Variants in SLC26A4 observed in about 807,000 individuals in gnomAD.
The protein encoded by SLC26A4 is pendrin.
In SLC26A4, 93 loss-of-function variants were observed where a neutral mutation model predicts 90.4. That is an observed-to-expected ratio of 1.03 (90% confidence interval 0.87 to 1.22). SLC26A4 has a LOEUF of 1.22. Among genes scored for constraint, SLC26A4 ranks in the 50% most tolerant of loss-of-function variants. The pLI is 0.00. For missense variants in SLC26A4, 1,127 were observed against 946.2 expected (o/e 1.19, Z -2.51); for synonymous variants, 393 against 354.6 (o/e 1.11, Z -1.22).
chr7:107,697,789 T>A (rs1416783895), intron 13 of SLC26A4, among the ~76,000 whole-genome samples: 1 of 152,214 alleles, frequency 6.6e-6, no homozygotes, highest in Non-Finnish European at 1.5e-5. Context: ...TATAACGTGT[T>A]GTGCACGTGC....
chr7:107,672,268 A>C lies in SLC26A4; in HGVS notation c.415+20A>C. 1 of 1,459,856 alleles carries C rather than the reference A, an allele frequency of 6.8e-7. No homozygotes were observed. Among genetic ancestry groups the C allele is most frequent in the Non-Finnish European group, 9.6e-7 (1 of 1,040,614 alleles). The allele number at this position is 1,459,856 out of a possible 1,614,324, so 90.4% of individuals were successfully genotyped here. ...CAGTTGGTAATTATAAGTATATTTT[A>C]CAATTATATTTGCTCATGTTTAAAG... On this transcript the variant is annotated intron_variant, in intron 4 of 20. Transcript: ENST00000644269.
intron 19 of SLC26A4, 29 bp downstream of exon 19, chr7:107,710,228 T>A (rs1292025530): frequency 1.3e-5 from 20 of 1,484,568 alleles, no homozygotes; most frequent in Non-Finnish European, 1.9e-5. Flanking sequence ...TACAGATGTA[T>A]CTTTTCTAAA....
chr7:107,662,105 C>T, intron 2 of SLC26A4: 1 of 489,914 alleles, frequency 2.0e-6, no homozygotes. Context: ...TGGAGTGCCT[C>T]TTGGGGTACA....
At chr7:107,662,438 A>G (rs1285965685) in intron 2 of SLC26A4, among the ~76,000 whole-genome samples, 2 of 152,214 alleles carry the variant, frequency 1.3e-5, no homozygotes, top group African/African-American at 2.4e-5. Context: ...TAGACGTAGT[A>G]GTATAATGAA....
At chr7:107,682,879 T>C (rs575403176) in intron 6 of SLC26A4, among the ~76,000 whole-genome samples, 3 of 152,324 alleles carry the variant, frequency 2.0e-5, no homozygotes, top group African/African-American at 7.2e-5. Flanking sequence ...TTTTTTCTTT[T>C]AAGACATCTT....
intron 6 of SLC26A4, among the ~76,000 whole-genome samples, chr7:107,681,073 T>C (rs1791216990): frequency 6.6e-6 from 1 of 152,166 alleles, no homozygotes; most frequent in Non-Finnish European, 1.5e-5. Context: ...GTGGTAGTTA[T>C]CCCATTTTCT....
Position 107,716,458 on chromosome 7 carries a change from T to C in SLC26A4, c.*1012T>C, listed in dbSNP as rs1792348795. The C allele has an allele frequency of 6.6e-6, 1 of 152,210 alleles. No homozygotes were observed. Among genetic ancestry groups the C allele is most frequent in the Admixed American group, 6.5e-5 (1 of 15,274 alleles). The allele number at this position is 152,210 out of a possible 1,614,324, so 9.4% of individuals were successfully genotyped here. A position where few individuals can be genotyped will look rare whatever the true frequency, so the allele number is the denominator to read the frequency against. On this transcript the variant is annotated 3_prime_UTR_variant, in exon 21 of 21. Coordinates refer to ENST00000644269, the MANE Select transcript of SLC26A4 (RefSeq NM_000441.2). ...AAAAATCTAAAAATTGAACTACCTATAGTAGTCTGTGTTTAAAGTGAATTT... is the reference window on the plus strand; with the variant it reads ...AAAAATCTAAAAATTGAACTACCTACAGTAGTCTGTGTTTAAAGTGAATTT...
intron 20 of SLC26A4, among the ~76,000 whole-genome samples, chr7:107,713,461 C>A (rs1188142560): frequency 1.3e-5 from 2 of 152,184 alleles, no homozygotes; most frequent in Non-Finnish European, 2.9e-5. Context: ...CAACACAGAC[C>A]TTCCCACTGA....
intron 4 of SLC26A4, among the ~76,000 whole-genome samples, chr7:107,672,943 A>T (rs1490022171): frequency 1.3e-5 from 2 of 152,234 alleles, no homozygotes; most frequent in Non-Finnish European, 2.9e-5. Flanking sequence ...TGCTGGCTAG[A>T]CATGTCTACC....
intron 20 of SLC26A4, 76 bp downstream of exon 20, chr7:107,712,698 T>A (rs935712634): frequency 1.2e-6 from 1 of 828,310 alleles, no homozygotes; most frequent in Admixed American, 1.7e-5. Flanking sequence ...AGTGAATATA[T>A]CTGATTAAGA....
chr7:107,699,466 G>A (rs982915), intron 14 of SLC26A4, among the ~76,000 whole-genome samples: 109,597 of 152,046 alleles, frequency 0.72, 39,898 homozygotes, highest in East Asian at 0.99. Flanking sequence ...AATCAGGAGG[G>A]TCAGTGGTAT....
intron 9 of SLC26A4, 102 bp downstream of exon 9, chr7:107,689,302 T>C: frequency 8.1e-7 from 1 of 1,237,222 alleles, no homozygotes; most frequent in Non-Finnish European, 1.2e-6. Context: ...GGTTGGATTC[T>C]TTCACCAGAC....
chr7:107,710,241 A>C (rs1434884069), intron 19 of SLC26A4, 42 bp downstream of exon 19: 1 of 1,396,690 alleles, frequency 7.2e-7, no homozygotes, highest in Admixed American at 1.7e-5. Flanking sequence ...TTTCTAAACT[A>C]TCATGATTTC....
Position 107,704,400 on chromosome 7 carries a change from C to T in SLC26A4, c.2089+15C>T, listed in dbSNP as rs1253818235. ...ATCACTTCAAGGTAAATACATATAT[C>T]TACATATCTACCTGTAAGACTTTCC... On this transcript the variant is annotated intron_variant, in intron 18 of 20. Transcript: ENST00000644269. 4.6e-6 allele frequency: 5 copies of T among 1,091,928 alleles called. No individual in the cohort carries two copies. In the Admixed American group the frequency reaches 8.6e-5, roughly 19 times the overall value. 67.6% of individuals were successfully genotyped at this position (1,091,928 alleles called of 1,614,324 possible). A position where few individuals can be genotyped will look rare whatever the true frequency, so the allele number is the denominator to read the frequency against.
In SLC26A4 at chr7:107,710,180, A is replaced by G. The variant is rs752350798; in HGVS notation, c.2216A>G (p.Gln739Arg). The change falls in exon 19 of 21, where the codon CAA (glutamine) becomes CGA (arginine). Residue 739 changes from glutamine (Q) to arginine (R), a missense_variant. By Grantham distance (43) the Gln-to-Arg change is conservative. Transcript: ENST00000644269. ...LQNQVKSQEGQGSILETITLI... is the reference protein window; with the variant it reads ...LQNQVKSQEGRGSILETITLI... ...AACCAAGTGAAATCTCAAGAGGGTC[A>G]AGGTTCCATTTTAGAAACGGTAAAT... The G allele has an allele frequency of 1.2e-6, 2 of 1,605,630 alleles. No individual in the cohort carries two copies. Among genetic ancestry groups the G allele is most frequent in the South Asian group, 1.1e-5 (1 of 90,892 alleles).
chr7:107,695,326 G>A (rs578054264), intron 12 of SLC26A4, among the ~76,000 whole-genome samples: 9 of 152,260 alleles, frequency 5.9e-5, no homozygotes, highest in African/African-American at 2.2e-4. Flanking sequence ...TTGGGAATGG[G>A]TGGAGAAGGG....
At chr7:107,678,207 C>T (rs1791077774) in intron 6 of SLC26A4, among the ~76,000 whole-genome samples, 1 of 152,136 alleles carries the variant, frequency 6.6e-6, no homozygotes, top group South Asian at 2.1e-4. Context: ...CTCATTTATT[C>T]CTTCATTCTC....
chr7:107,715,729 G>T lies in SLC26A4; in HGVS notation c.*283G>T, dbSNP rs556587032. On this transcript the variant is annotated 3_prime_UTR_variant, in exon 21 of 21. Coordinates refer to ENST00000644269, the MANE Select transcript of SLC26A4 (RefSeq NM_000441.2). ...AGATTTGCTAATAATGTTCACGTGGGCCCTGGCATATCTCTGTTCAGTTAG... is the reference window on the plus strand; with the variant it reads ...AGATTTGCTAATAATGTTCACGTGGTCCCTGGCATATCTCTGTTCAGTTAG... 6 of 501,278 alleles carry T rather than the reference G, an allele frequency of 1.2e-5. No homozygotes were observed. The highest frequency in any genetic ancestry group is 1.0e-4 in the East Asian group (3 of 29,150). 31.1% of individuals were successfully genotyped at this position (501,278 alleles called of 1,614,324 possible).
chr7:107,714,459 C>T (rs1792285516), intron 20 of SLC26A4, among the ~76,000 whole-genome samples: 1 of 152,146 alleles, frequency 6.6e-6, no homozygotes, highest in South Asian at 2.1e-4. Flanking sequence ...TGCATCTTGG[C>T]CCACCAGCTT....
Sources: gnomAD v4.1 joint callset for allele counts (sites outside exome capture counted in the v4.1 genomes callset) on GRCh38, gnomAD v4.1.1 for gene constraint, MANE v1.5 for transcripts, NCBI Gene and HGNC (gene_info 2026-07-23, HGNC 2026-07-21) for gene names.